Variants in DGKB observed in about 807,000 individuals in gnomAD.
DGKB encodes diacylglycerol kinase beta, also known as 90 kDa diacylglycerol kinase.
Under a neutral mutation model 114.3 loss-of-function variants are expected in DGKB, and 67 were observed. That is an observed-to-expected ratio of 0.59 (90% CI 0.48 to 0.72). The LOEUF is 0.72. Among genes scored for constraint, DGKB ranks in the 30% least tolerant of loss-of-function variants. The probability of loss-of-function intolerance (pLI) is 0.00; values close to 1 mark genes in which losing one functional copy is unlikely to be tolerated. For synonymous variants in DGKB, 398 were observed against 323.1 expected (o/e 1.23, Z -2.49); for missense variants, 907 against 975.2 (o/e 0.93, Z 0.93).
At chr7:14,959,306 G>C (rs571300915) in intron 1 of DGKB, among the ~76,000 whole-genome samples, 9 of 151,248 alleles carry the variant, frequency 6.0e-5, no homozygotes, top group Non-Finnish European at 1.3e-4. Context: ...TTATGTGAAA[G>C]CTACTGATTT....
At chr7:14,714,686 G>A (rs1237142001) in intron 6 of DGKB, among the ~76,000 whole-genome samples, 1 of 152,146 alleles carries the variant, frequency 6.6e-6, no homozygotes, top group Non-Finnish European at 1.5e-5. Flanking sequence ...ACTGAGCACT[G>A]AAGGCCAGCT....
chr7:14,592,318 T>C (rs768210510), intron 17 of DGKB, among the ~76,000 whole-genome samples: 24 of 151,952 alleles, frequency 1.6e-4, no homozygotes, highest in Admixed American at 4.6e-4. Flanking sequence ...CGTTCTTGTT[T>C]AGAAAAAATA....
At chr7:14,509,734 G>T (rs1229718982) in intron 20 of DGKB, among the ~76,000 whole-genome samples, 1 of 152,168 alleles carries the variant, frequency 6.6e-6, no homozygotes, top group Non-Finnish European at 1.5e-5. Context: ...CCCTGGACCC[G>T]CCTTTTAAAA....
At chr7:14,437,456 C>A (rs1434304672) in intron 21 of DGKB, among the ~76,000 whole-genome samples, 1 of 152,170 alleles carries the variant, frequency 6.6e-6, no homozygotes, top group Non-Finnish European at 1.5e-5. Flanking sequence ...AGGAGCAGTA[C>A]TGACTGTGCG....
Position 14,893,373 on chromosome 7 carries a change from C to T in DGKB, c.-188+9219G>A, listed in dbSNP as rs550883745. Among the ~76,000 whole-genome samples, 5 of 151,504 alleles carry T rather than the reference C, an allele frequency of 3.3e-5. No individual in the cohort carries two copies. In the South Asian group the frequency reaches 8.3e-4, roughly 25 times the overall value. ...AGACGTTTTTTCCTGGTCTTTAGAA[C>T]ATTCCAGGTTTCTGTTGCTGTTTTC... On this transcript the variant is annotated intron_variant, in intron 1 of 25. Transcript: ENST00000402815.
intron 20 of DGKB, among the ~76,000 whole-genome samples, chr7:14,503,457 A>G (rs1384679475): frequency 5.3e-5 from 8 of 152,144 alleles, no homozygotes; most frequent in Admixed American, 2.6e-4. Flanking sequence ...TTAAATTTAT[A>G]TCATGATCTA....
At chr7:14,161,856 C>G (rs1783948488) in intron 25 of DGKB, among the ~76,000 whole-genome samples, 1 of 151,964 alleles carries the variant, frequency 6.6e-6, no homozygotes, top group Admixed American at 6.6e-5. Flanking sequence ...AAGTCTCCTC[C>G]AAAGAAATAT....
At chr7:14,213,598 C>A (rs976044927) in intron 23 of DGKB, among the ~76,000 whole-genome samples, 2 of 152,164 alleles carry the variant, frequency 1.3e-5, no homozygotes, top group African/African-American at 2.4e-5. Context: ...GAGTTCTTCT[C>A]CTATGATGCA....
intron 23 of DGKB, among the ~76,000 whole-genome samples, chr7:14,219,568 A>G (rs1789577543): frequency 6.6e-6 from 1 of 151,740 alleles, no homozygotes; most frequent in Non-Finnish European, 1.5e-5. Context: ...ACGTATATAT[A>G]CCATTTCTAT....
chr7:14,493,925 T>TAG (rs1554472970), intron 20 of DGKB, among the ~76,000 whole-genome samples: 3 of 137,630 alleles, frequency 2.2e-5, no homozygotes, highest in Non-Finnish European at 4.8e-5. Context: ...CATGGTATCA[T>TAG]ACACACACAC....
chr7:14,646,430 T>A (rs1348644328), intron 13 of DGKB, among the ~76,000 whole-genome samples: 1 of 152,126 alleles, frequency 6.6e-6, no homozygotes, highest in African/African-American at 2.4e-5. Context: ...ATTAGACAGA[T>A]AATCTAAAAG....
intron 5 of DGKB, among the ~76,000 whole-genome samples, chr7:14,723,609 ATG>A (rs1554622018): frequency 1.3e-5 from 2 of 152,072 alleles, no homozygotes; most frequent in Non-Finnish European, 2.9e-5. Flanking sequence ...ACACATATAT[ATG>A]TGTATGTATA....
intron 20 of DGKB, among the ~76,000 whole-genome samples, chr7:14,569,326 G>C (rs1342557487): frequency 6.6e-6 from 1 of 152,136 alleles, no homozygotes; most frequent in African/African-American, 2.4e-5. Context: ...CTCAGTCAAA[G>C]CCACCTTATT....
At chr7:14,232,370 AG>A (rs1184730339) in intron 23 of DGKB, among the ~76,000 whole-genome samples, 58 of 95,050 alleles carry the variant, frequency 6.1e-4, no homozygotes, top group African/African-American at 3.8e-3. Context: ...AGAGTAAGTT[AG>A]TGAAAAAAAA....
intron 17 of DGKB, among the ~76,000 whole-genome samples, chr7:14,600,530 C>T (rs1207765336): frequency 6.6e-6 from 1 of 152,164 alleles, no homozygotes; most frequent in Non-Finnish European, 1.5e-5. Context: ...AGAGTTACCA[C>T]TCCAGGTACA....
chr7:14,672,834 T>C (rs1819196188), intron 13 of DGKB, 95 bp downstream of exon 13: 1 of 664,804 alleles, frequency 1.5e-6, no homozygotes, highest in Admixed American at 2.8e-5. Flanking sequence ...CTACCTTGAT[T>C]GATGAAAAAT....
chr7:14,630,811 T>A (rs1010667623), intron 13 of DGKB, among the ~76,000 whole-genome samples: 49 of 151,972 alleles, frequency 3.2e-4, no homozygotes, highest in Non-Finnish European at 5.3e-4. Flanking sequence ...GTAATTTTTT[T>A]AAGATGGGGT....
rs1784087038 is a variant in DGKB at position 14,913,333 on chromosome 7, C to T, written c.-188+61363G>A. Reference sequence around the variant, plus strand: ...GCATACTGAGCAGTTATTCTGTTTCCACCATTATGGCACTTTTTACATTTT... The same window carrying T: ...GCATACTGAGCAGTTATTCTGTTTCTACCATTATGGCACTTTTTACATTTT... On this transcript the variant is annotated intron_variant, in intron 1 of 4. Coordinates refer to the DGKB transcript ENST00000437998. Among the ~76,000 whole-genome samples the T allele has an allele frequency of 5.3e-5, 8 of 151,632 alleles. 1 individual carries two copies. In the South Asian group the frequency reaches 1.7e-3, roughly 32 times the overall value.
Position 14,736,198 on chromosome 7 carries a change from GAA to G in DGKB, c.169-6_169-5del. The stretch of plus-strand genomic sequence containing the variant: ...TGAAACCTTCAAAATCTATTGTCTG[GAA>G]AAAAAAAATGTAAACATGTATTTTA... On this transcript the variant is annotated splice_region_variant and splice_polypyrimidine_tract_variant and intron_variant, in intron 4 of 25. Coordinates refer to ENST00000402815, the MANE Select transcript of DGKB (RefSeq NM_001350709.2). 9.5e-6 allele frequency: 11 copies of G among 1,161,180 alleles called. No individual in the cohort carries two copies. The highest frequency in any genetic ancestry group is 3.2e-5 in the South Asian group (2 of 62,054). 71.9% of individuals were successfully genotyped at this position (1,161,180 alleles called of 1,614,324 possible).
Sources: allele counts gnomAD v4.1 joint callset (sites outside exome capture counted in the v4.1 genomes callset), GRCh38; gene constraint gnomAD v4.1.1; transcripts MANE v1.5; gene names NCBI Gene and HGNC (gene_info 2026-07-23, HGNC 2026-07-21).